Variants in HERC1 observed in about 807,000 individuals in gnomAD.
HERC1 encodes the protein probable E3 ubiquitin-protein ligase HERC1.
A neutral mutation model predicts 554.3 loss-of-function variants in HERC1; 160 were observed. The observed-to-expected ratio is 0.29, with a 90% CI of 0.25 to 0.33. HERC1 has a LOEUF of 0.33. Among genes scored for constraint, HERC1 ranks in the 10% least tolerant of loss-of-function variants. HERC1 has a pLI of 1.00. For synonymous variants in HERC1, 2,175 were observed against 2,131.7 expected, an observed-to-expected ratio of 1.02 and a Z score of -0.56; for missense variants, 4,919 against 5,918.5, an observed-to-expected ratio of 0.83 and a Z score of 5.54.
intron 45 of HERC1, among the ~76,000 whole-genome samples, chr15:63,661,406 T>C (rs1200713616): frequency 2.0e-5 from 3 of 152,222 alleles, no homozygotes; most frequent in Admixed American, 6.5e-5. Context: ...TCTGTTTTTT[T>C]CATCAGGAAA....
chr15:63,782,154 T>C lies in HERC1; in HGVS notation c.-26-6505A>G, dbSNP rs558951219. 5.3e-5 allele frequency among the ~76,000 whole-genome samples: 8 copies of C among 152,322 alleles called. No individual in the cohort carries two copies. In the South Asian group the frequency reaches 8.3e-4, roughly 16 times the overall value. On this transcript the variant is annotated intron_variant, in intron 1 of 77. Coordinates refer to ENST00000443617, the MANE Select transcript of HERC1 (RefSeq NM_003922.4). ...ATCTACCTAAGGTAACTGATGAAAG[T>C]AGTTATATTAAACAACAGATTTTCA...
At chr15:63,657,553 T>A (rs1432063060) in intron 48 of HERC1, among the ~76,000 whole-genome samples, 2 of 152,186 alleles carry the variant, frequency 1.3e-5, no homozygotes, top group Admixed American at 6.5e-5. Flanking sequence ...ATTACTAATA[T>A]CTTCTCCCAT....
intron 25 of HERC1, among the ~76,000 whole-genome samples, chr15:63,703,713 C>G (rs2414824): frequency 1.3e-5 from 2 of 151,660 alleles, no homozygotes; most frequent in Admixed American, 6.6e-5. Flanking sequence ...GGCGAAACCC[C>G]GTTTCTACAA....
chr15:63,676,427 C>G (rs529062848), intron 37 of HERC1, among the ~76,000 whole-genome samples: 1 of 152,236 alleles, frequency 6.6e-6, no homozygotes, highest in Non-Finnish European at 1.5e-5. Context: ...AATTCTGAAA[C>G]AGTACCACTC....
chr15:63,609,653 GC>G (rs2067504152), intron 77 of HERC1, among the ~76,000 whole-genome samples: 1 of 152,092 alleles, frequency 6.6e-6, no homozygotes, highest in South Asian at 2.1e-4. Context: ...CTGCAGGGAT[GC>G]CCCCACAGAG....
intron 2 of HERC1, among the ~76,000 whole-genome samples, chr15:63,764,562 T>G (rs947211629): frequency 6.6e-6 from 1 of 152,168 alleles, no homozygotes; most frequent in African/African-American, 2.4e-5. Context: ...CATGGGTATA[T>G]TGCCCACCTG....
In HERC1 at chr15:63,718,080, T is replaced by C. The variant is rs1251140778; in HGVS notation, c.3978+494A>G. 2.2e-5 allele frequency among the ~76,000 whole-genome samples: 2 copies of C among 91,512 alleles called. No individual in the cohort carries two copies. Among genetic ancestry groups the C allele is most frequent in the Admixed American group, 1.3e-4 (1 of 7,974 alleles). The allele number at this position is 91,512 out of a possible 152,430, so 60.0% of individuals were successfully genotyped here. ...TTAAGTATTTTTAAGGCAGCTATTA[T>C]GTGACACACACACACACACACACAC... is the stretch of plus-strand genomic sequence containing the variant. On this transcript the variant is annotated intron_variant, in intron 21 of 77. Coordinates refer to ENST00000443617, the MANE Select transcript of HERC1 (RefSeq NM_003922.4). This position sits in a 1 kb window ranked among gnomAD's most constrained non-coding sequence, Gnocchi z 4.2.
rs541324360 is a variant in HERC1 at position 63,727,528 on chromosome 15, G to A, written c.3346+119C>T. The A allele has an allele frequency of 2.4e-5, 15 of 638,220 alleles. No homozygotes were observed. The highest frequency in any genetic ancestry group is 2.8e-5 in the East Asian group (1 of 36,116). The allele number at this position is 638,220 out of a possible 1,614,324, so 39.5% of individuals were successfully genotyped here. ...TTTGAAAAGCTTTTAAGATTTCAGTGATGAAATTCCTTTGATAGCCTTAGG... is the reference window on the plus strand; with the variant it reads ...TTTGAAAAGCTTTTAAGATTTCAGTAATGAAATTCCTTTGATAGCCTTAGG... On this transcript the variant is annotated intron_variant, in intron 17 of 77. Transcript: ENST00000443617. The surrounding 1 kb of genome is among the most constrained non-coding windows in gnomAD (Gnocchi z 4.3).
intron 77 of HERC1, among the ~76,000 whole-genome samples, chr15:63,610,551 G>A (rs1237746516): frequency 6.6e-6 from 1 of 152,198 alleles, no homozygotes; most frequent in East Asian, 1.9e-4. Flanking sequence ...ACTTCTCTCT[G>A]AAGCAACAAA....
chr15:63,796,488 T>G (rs140759316), intron 1 of HERC1, among the ~76,000 whole-genome samples: 5 of 152,312 alleles, frequency 3.3e-5, no homozygotes, highest in African/African-American at 1.2e-4. Context: ...CATCGATCAT[T>G]CCGGGGTGTA....
At chr15:63,790,674 A>AAAC (rs1238362587) in intron 1 of HERC1, among the ~76,000 whole-genome samples, 3 of 152,172 alleles carry the variant, frequency 2.0e-5, no homozygotes, top group Non-Finnish European at 4.4e-5. Flanking sequence ...GGTGGGTATC[A>AAAC]AACAGGACAT....
intron 34 of HERC1, among the ~76,000 whole-genome samples, 175 bp downstream of exon 34, chr15:63,686,184 T>C (rs2071750055): frequency 6.6e-6 from 1 of 152,224 alleles, no homozygotes; most frequent in Non-Finnish European, 1.5e-5. Context: ...GTTACAAAAA[T>C]AGCACAGAGT....
In HERC1 at chr15:63,641,563, C is replaced by G. The variant is rs370468925; in HGVS notation, c.11514G>C (p.Gln3838His). Residue 3838 changes from glutamine to histidine, a missense_variant, in exon 60 of 78, where the codon CAG (glutamine) becomes CAC (histidine). By Grantham distance (24) the Gln-to-His change is conservative (BLOSUM62 0). Around this residue, in one of 11 missense-constraint regions of HERC1, gnomAD observed 1,963 missense variants for 2,228.6 expected, o/e 0.88. Coordinates refer to ENST00000443617, the MANE Select transcript of HERC1 (RefSeq NM_003922.4). ...VLATCRTALKQQGVLGLNMAP... is the reference protein window; with the variant it reads ...VLATCRTALKHQGVLGLNMAP... ...CCATGTTCAATCCCAGAACACCCTG[C>G]TGTTTCAATGCTGTCCTACAGGTTG... 54 of 1,609,838 alleles carry G rather than the reference C, an allele frequency of 3.4e-5. No homozygotes were observed. In the African/African-American group the frequency reaches 5.7e-4, roughly 17 times the overall value.
Position 63,616,455 on chromosome 15 carries a change from C to T in HERC1, c.13916G>A (p.Gly4639Glu), listed in dbSNP as rs1278863890. ...LNSILHIEDS[G>E]ITEESFHEMI... ...CTCATGGAAACTCTCCTCGGTAATCCCACTGTCTTCAATGTGAAGAATGCT... is the reference window on the plus strand; with the variant it reads ...CTCATGGAAACTCTCCTCGGTAATCTCACTGTCTTCAATGTGAAGAATGCT... Residue 4639 changes from glycine (G) to glutamate (E), a missense_variant, in exon 75 of 78, where the codon GGG becomes GAG. Gly to Glu is a moderately conservative substitution (Grantham distance 98). Coordinates refer to ENST00000443617, the MANE Select transcript of HERC1 (RefSeq NM_003922.4). 2 of 1,613,642 alleles carry T rather than the reference C, an allele frequency of 1.2e-6. No homozygotes were observed. The highest frequency in any genetic ancestry group is 4.5e-5 in the East Asian group (2 of 44,894).
chr15:63,760,416 G>A (rs1289719030), intron 3 of HERC1, among the ~76,000 whole-genome samples: 4 of 139,668 alleles, frequency 2.9e-5, no homozygotes, highest in South Asian at 4.6e-4. Context: ...ACTCCAGCCC[G>A]GGCAGCAGAG....
chr15:63,752,728 A>C (rs1330772617), intron 8 of HERC1: 1 of 386,066 alleles, frequency 2.6e-6, no homozygotes, highest in East Asian at 4.2e-5. Flanking sequence ...AAGTCAGTTT[A>C]ATACAAAGAA....
intron 58 of HERC1, 130 bp from the exon 59 acceptor site, chr15:63,643,188 C>T: frequency 1.2e-6 from 1 of 814,230 alleles, no homozygotes. Flanking sequence ...AACGTCCAAT[C>T]ACATACCTAC....
chr15:63,790,966 G>C (rs74019017), intron 1 of HERC1, among the ~76,000 whole-genome samples: 1,598 of 152,114 alleles, frequency 0.011, 21 homozygotes, highest in African/African-American at 0.037. Flanking sequence ...TAGAAGGCTT[G>C]TTTTTACGAA....
Position 63,651,371 on chromosome 15 carries a change from A to C in HERC1, c.10428T>G (p.Asp3476Glu). The C allele has an allele frequency of 6.2e-7, 1 of 1,613,444 alleles. No homozygotes were observed. Among genetic ancestry groups the C allele is most frequent in the East Asian group, 2.2e-5 (1 of 44,870 alleles). Reference sequence around the variant, plus strand: ...TGGGTGATCCCAGGCTTTCCTCAGCATCCCCTTCCCTAGAATATAACAGAC... The same window carrying C: ...TGGGTGATCCCAGGCTTTCCTCAGCCTCCCCTTCCCTAGAATATAACAGAC... ...QTCVFNRLEG[D>E]AEESLGSPSD... is the part of the protein sequence containing the mutation. Residue 3476 changes from aspartate to glutamate, a missense_variant, in exon 53 of 78, where the codon GAT becomes GAG. Physicochemically the swap from Asp to Glu is conservative, Grantham distance 45. Around this residue, in one of 11 missense-constraint regions of HERC1, gnomAD observed 1,963 missense variants for 2,228.6 expected, o/e 0.88. Transcript: ENST00000443617.
Sources: allele counts gnomAD v4.1 joint callset (sites outside exome capture counted in the v4.1 genomes callset), GRCh38; gene constraint gnomAD v4.1.1; regional missense constraint gnomAD v4.1.1; non-coding constraint Gnocchi (gnomAD v3.1); transcripts MANE v1.5; gene names NCBI Gene and HGNC (gene_info 2026-07-23, HGNC 2026-07-21).